RSF1: variants seen among roughly 807,000 people sequenced by gnomAD.
RSF1 encodes HBV pX-associated protein 8.
In RSF1, 13 loss-of-function variants were observed where a neutral mutation model predicts 145.2. That is an observed-to-expected ratio of 0.09 (90% confidence interval 0.06 to 0.14). The LOEUF (loss-of-function observed/expected upper bound fraction) is 0.14. Ranked by LOEUF, RSF1 falls within the 10% of genes least tolerant of loss-of-function variation. The pLI, the probability that RSF1 is intolerant of heterozygous loss-of-function variation, is 1.00. For synonymous variants in RSF1, 577 were observed against 592.6 expected (o/e 0.97, Z 0.38); for missense variants, 1,517 against 1,718.2 (o/e 0.88, Z 2.07).
At position 77,806,096 on chromosome 11, in the gene RSF1, C is replaced by T. The variant is rs1235726505; in HGVS notation, c.187+14432G>A. Among the ~76,000 whole-genome samples, 3 of 152,072 alleles carry T rather than the reference C, an allele frequency of 2.0e-5. No homozygotes were observed. The East Asian group carries it at 5.8e-4, about 29-fold the overall frequency. On this transcript the variant is annotated intron_variant, in intron 1 of 15. Transcript: ENST00000308488. Reference sequence around the variant, plus strand: ...ATTATAACAACCTCCAACTGGTTTCCCTATCACCACCCCAAAGTGCCCACT... The same window carrying T: ...ATTATAACAACCTCCAACTGGTTTCTCTATCACCACCCCAAAGTGCCCACT...
intron 1 of RSF1, among the ~76,000 whole-genome samples, chr11:77,777,181 TA>T (rs1948351138): frequency 6.6e-6 from 1 of 152,218 alleles, no homozygotes; most frequent in African/African-American, 2.4e-5. Flanking sequence ...TGTGTATCTC[TA>T]AAAGATAAAA....
the RSF1 span, among the ~76,000 whole-genome samples, chr11:77,828,305 A>G: frequency 6.6e-6 from 1 of 152,132 alleles, no homozygotes; most frequent in East Asian, 1.9e-4. Flanking sequence ...CAGCAAAAAA[A>G]TGATATCAAT....
intron 1 of RSF1, among the ~76,000 whole-genome samples, chr11:77,778,152 A>T (rs1289173750): frequency 6.1e-4 from 3 of 4,952 alleles, no homozygotes; most frequent in Admixed American, 2.1e-3. Context: ...TGGAGGGGGG[A>T]GGGAAGGGGG....
chr11:77,694,171 C>A (rs1334028089), intron 7 of RSF1, among the ~76,000 whole-genome samples: 5 of 152,154 alleles, frequency 3.3e-5, no homozygotes, highest in African/African-American at 7.2e-5. Context: ...GAGTTAGAAT[C>A]CTTTTTCATT....
chr11:77,771,495 C>A (rs973433585), intron 1 of RSF1, among the ~76,000 whole-genome samples: 1 of 152,148 alleles, frequency 6.6e-6, no homozygotes, highest in African/African-American at 2.4e-5. Flanking sequence ...CAGAAGGGAG[C>A]AAAGGCCAAG....
At chr11:77,751,261 T>TTC (rs1312319075) in intron 2 of RSF1, among the ~76,000 whole-genome samples, 1 of 152,194 alleles carries the variant, frequency 6.6e-6, no homozygotes, top group Non-Finnish European at 1.5e-5. Flanking sequence ...GTAACAATAA[T>TTC]TCTTTTGGAT....
intron 5 of RSF1, among the ~76,000 whole-genome samples, chr11:77,713,570 AAC>A (rs1960738086): frequency 1.3e-5 from 2 of 152,218 alleles, no homozygotes; most frequent in South Asian, 4.1e-4. Flanking sequence ...AGTGTTTTCC[AAC>A]ACAGTCTTTA....
intron 1 of RSF1, among the ~76,000 whole-genome samples, chr11:77,767,497 A>G (rs1948237725): frequency 6.6e-6 from 1 of 152,148 alleles, no homozygotes; most frequent in Non-Finnish European, 1.5e-5. Flanking sequence ...TCAGTCTCAT[A>G]CTAACTCTGC....
chr11:77,765,394 A>C (rs1454354689), intron 1 of RSF1, among the ~76,000 whole-genome samples: 2 of 152,190 alleles, frequency 1.3e-5, no homozygotes, highest in Non-Finnish European at 2.9e-5. Context: ...ATTTCTATGA[A>C]TCTTTGCTTG....
At chr11:77,712,198 G>C (rs1284043401) in intron 5 of RSF1, among the ~76,000 whole-genome samples, 1 of 152,150 alleles carries the variant, frequency 6.6e-6, no homozygotes, top group Non-Finnish European at 1.5e-5. Context: ...TGAATCACGG[G>C]GGTGGTTCCC....
chr11:77,838,896 G>T, the RSF1 span, among the ~76,000 whole-genome samples: 1 of 152,098 alleles, frequency 6.6e-6, no homozygotes, highest in African/African-American at 2.4e-5. Context: ...GATTACAGGC[G>T]TGAGCCACCG....
At chr11:77,726,001 A>G (rs2008817282) in intron 4 of RSF1, among the ~76,000 whole-genome samples, 1 of 152,222 alleles carries the variant, frequency 6.6e-6, no homozygotes, top group South Asian at 2.1e-4. Flanking sequence ...ACGTTTGATA[A>G]CTTTAAAAAT....
chr11:77,660,855 TTTAA>T lies in RSF1; in HGVS notation c.*6058_*6061del, dbSNP rs1163491646. On this transcript the variant is annotated 3_prime_UTR_variant, in exon 16 of 16. Transcript: ENST00000308488. ...TGAAATTATGACACACTTAGATGAA[TTTAA>T]TTATTTTCAAGAATACACTTGTACT... is the stretch of plus-strand genomic sequence containing the variant. 8 of 152,104 alleles carry T rather than the reference TTTAA, an allele frequency of 5.3e-5. No homozygotes were observed. Among genetic ancestry groups the T allele is most frequent in the Non-Finnish European group, 7.4e-5 (5 of 68,004 alleles). The allele number at this position is 152,104 out of a possible 1,614,324, so 9.4% of individuals were successfully genotyped here. A position where few individuals can be genotyped will look rare whatever the true frequency, so the allele number is the denominator to read the frequency against.
intron 9 of RSF1, 162 bp downstream of exon 9, chr11:77,690,997 C>A: frequency 7.2e-6 from 4 of 555,670 alleles, no homozygotes; most frequent in East Asian, 2.9e-5. Context: ...ACATAAAAAA[C>A]ATTCTTAGTT....
chr11:77,715,572 C>T (rs1275650352), intron 5 of RSF1, among the ~76,000 whole-genome samples: 1 of 152,080 alleles, frequency 6.6e-6, no homozygotes, highest in Non-Finnish European at 1.5e-5. Flanking sequence ...CTTGGCTTCC[C>T]AAGTAGCTGG....
At chr11:77,804,014 T>C (rs1009394925) in intron 1 of RSF1, among the ~76,000 whole-genome samples, 3 of 152,128 alleles carry the variant, frequency 2.0e-5, no homozygotes, top group Admixed American at 2.0e-4. Flanking sequence ...AGGGCTGCAG[T>C]GGGCCATGTT....
At chr11:77,725,897 G>A (rs1961043446) in intron 4 of RSF1, among the ~76,000 whole-genome samples, 198 bp from the exon 5 acceptor site, 2 of 152,272 alleles carry the variant, frequency 1.3e-5, no homozygotes, top group South Asian at 4.1e-4. Context: ...GTTCTTCAGA[G>A]AAGAATATTA....
intron 1 of RSF1, among the ~76,000 whole-genome samples, chr11:77,793,998 C>T (rs1948547948): frequency 6.6e-6 from 1 of 152,040 alleles, no homozygotes; most frequent in Non-Finnish European, 1.5e-5. Flanking sequence ...CAATTCTAAA[C>T]ATATATGCAC....
chr11:77,847,373 T>C, the RSF1 span, among the ~76,000 whole-genome samples: 1 of 152,238 alleles, frequency 6.6e-6, no homozygotes, highest in Non-Finnish European at 1.5e-5. Context: ...TTGTTCTGCA[T>C]TGTAAACAGT....
Sources: allele counts gnomAD v4.1 joint callset (sites outside exome capture counted in the v4.1 genomes callset), GRCh38; gene constraint gnomAD v4.1.1; transcripts MANE v1.5; gene names NCBI Gene and HGNC (gene_info 2026-07-23, HGNC 2026-07-21).